Variants in FCRL3 observed in about 807,000 individuals in gnomAD.
FCRL3 encodes Fc receptor like 3.
A neutral mutation model predicts 75.0 loss-of-function variants in FCRL3; 89 were observed. The ratio of observed to expected loss-of-function variants is 1.19; its 90% CI spans 1.00 to 1.42. The LOEUF is 1.42. Ranked by LOEUF, FCRL3 falls within the 40% of genes most tolerant of loss-of-function variation. The pLI, the probability that FCRL3 is intolerant of heterozygous loss-of-function variation, is 0.00. For synonymous variants in FCRL3, 376 were observed against 348.5 expected, an observed-to-expected ratio of 1.08 and a Z score of -0.88; for missense variants, 946 against 880.0, an observed-to-expected ratio of 1.07 and a Z score of -0.95.
chr1:157,681,945 T>A (rs1654876625), intron 11 of FCRL3, among the ~76,000 whole-genome samples: 1 of 151,932 alleles, frequency 6.6e-6, no homozygotes, highest in Non-Finnish European at 1.5e-5. Context: ...CTAACTGGTG[T>A]GAGATGGTAT....
intron 2 of FCRL3, 94 bp from the exon 3 acceptor site, chr1:157,699,806 C>A: frequency 3.7e-6 from 5 of 1,366,994 alleles, no homozygotes; most frequent in Non-Finnish European, 4.1e-6. Flanking sequence ...CTTATCATTT[C>A]TTTGCTCCCT....
At position 157,678,440 on chromosome 1, in the gene FCRL3, G is replaced by C; in HGVS notation, c.*270C>G. The C allele has an allele frequency of 7.7e-7, 1 of 1,291,464 alleles. No homozygotes were observed. Among genetic ancestry groups the C allele is most frequent in the Non-Finnish European group, 9.9e-7 (1 of 1,014,392 alleles). 80.0% of individuals were successfully genotyped at this position (1,291,464 alleles called of 1,614,324 possible). A position where few individuals can be genotyped will look rare whatever the true frequency, so the allele number is the denominator to read the frequency against. On this transcript the variant is annotated 3_prime_UTR_variant, in exon 15 of 15. Coordinates refer to ENST00000368184, the MANE Select transcript of FCRL3 (RefSeq NM_052939.4). ...ACCATTTCTCTCTCCTCCTCTATTC[G>C]ACAGCCCTAGGAGCTGAGGGCCCTC...
intron 2 of FCRL3, 31 bp downstream of exon 2, chr1:157,700,428 G>T (rs749168636): frequency 6.2e-7 from 1 of 1,613,786 alleles, no homozygotes; most frequent in Non-Finnish European, 8.5e-7. Flanking sequence ...AGGAACTGAG[G>T]CCGTGGCCCC....
Position 157,696,273 on chromosome 1 carries a change from A to G in FCRL3, c.899T>C (p.Ile300Thr). 6.2e-7 allele frequency: 1 copy of G among 1,613,924 alleles called. No individual in the cohort carries two copies. The highest frequency in any genetic ancestry group is 8.5e-7 in the Non-Finnish European group (1 of 1,179,962). ...LEIRPTGGQL[I>T]EGENMVLICS... ...AATAAGGACCATATTTTCTCCTTCA[A>G]TCAGCTGCCCTCCGGTGGGCCGGAT... The change falls in exon 7 of 15, where the codon ATT becomes ACT. Residue 300 changes from isoleucine (I) to threonine (T), a missense_variant. Transcript: ENST00000368184.
At chr1:157,684,358 A>G (rs991836036) in intron 10 of FCRL3, among the ~76,000 whole-genome samples, 7 of 152,160 alleles carry the variant, frequency 4.6e-5, no homozygotes, top group African/African-American at 1.4e-4. Flanking sequence ...CTTGACTCTC[A>G]TGAAAAATAA....
Position 157,698,501 on chromosome 1 carries a change from C to A in FCRL3, c.181G>T (p.Asp61Tyr), listed in dbSNP as rs140537779. Residue 61 changes from aspartate (D) to tyrosine (Y), a missense_variant, in exon 4 of 15, where the codon GAT (aspartate) becomes TAT (tyrosine). Physicochemically the swap from Asp to Tyr is radical, Grantham distance 160. Transcript: ENST00000368184. ...TGTTTTATTTTCAACAACTTCTCAT[C>A]GTGATACCAATATGTGTCTCCCTGG... ...LAQGDTYWYH[D>Y]EKLLKIKHDK... is the part of the protein sequence containing the mutation. 67 of 1,614,070 alleles carry A rather than the reference C, an allele frequency of 4.2e-5. No homozygotes were observed. The highest frequency in any genetic ancestry group is 4.1e-5 in the Non-Finnish European group (48 of 1,180,036).
chr1:157,693,006 T>C (rs1655649105), intron 8 of FCRL3, among the ~76,000 whole-genome samples: 1 of 152,106 alleles, frequency 6.6e-6, no homozygotes, highest in South Asian at 2.1e-4. Context: ...CTGGGCGTGG[T>C]GGCTCATGCC....
rs143115777 is a variant in FCRL3 at position 157,690,365 on chromosome 1, C to T, written c.1580G>A (p.Gly527Glu). ...AGTCAGAGAGAGGTTGAAGGATGCC[C>T]CTCCTCCAGAGTGGGCCGAGATGTT... ...LGNISAHSGGGASFNLSLTTE... is the reference protein window; with the variant it reads ...LGNISAHSGGEASFNLSLTTE... The change falls in exon 9 of 15, where the codon GGG becomes GAG. Residue 527 changes from glycine (G) to glutamate (E), a missense_variant. Physicochemically the swap from Gly to Glu is moderately conservative, Grantham distance 98. Transcript: ENST00000368184. The T allele has an allele frequency of 4.1e-5, 66 of 1,614,038 alleles. No individual in the cohort carries two copies. Among genetic ancestry groups the T allele is most frequent in the Non-Finnish European group, 3.0e-5 (35 of 1,180,050 alleles).
intron 8 of FCRL3, among the ~76,000 whole-genome samples, chr1:157,691,374 T>C (rs940484758): frequency 1.3e-5 from 2 of 152,228 alleles, no homozygotes; most frequent in Non-Finnish European, 2.9e-5. Context: ...GCTTTAGATA[T>C]AAGCCGTGTG....
chr1:157,699,778 C>A, intron 2 of FCRL3, 66 bp from the exon 3 acceptor site: 1 of 1,560,072 alleles, frequency 6.4e-7, no homozygotes, highest in South Asian at 1.1e-5. Context: ...CTAACCACAA[C>A]CACTTCTTTT....
chr1:157,685,129 T>C (rs570133642), intron 10 of FCRL3, among the ~76,000 whole-genome samples: 2 of 152,128 alleles, frequency 1.3e-5, no homozygotes, highest in East Asian at 3.9e-4. Flanking sequence ...CCTGGTGCTG[T>C]GCTGACTGAC....
At chr1:157,694,083 G>A (rs888430545) in intron 8 of FCRL3, among the ~76,000 whole-genome samples, 24 of 152,104 alleles carry the variant, frequency 1.6e-4, no homozygotes, top group African/African-American at 5.8e-4. Flanking sequence ...TGTTTGTTTT[G>A]TAATGTGCCC....
At chr1:157,690,658 T>TC in intron 8 of FCRL3, 125 bp from the exon 9 acceptor site, 1 of 1,189,314 alleles carries the variant, frequency 8.4e-7, no homozygotes, top group Non-Finnish European at 1.2e-6. Context: ...GAACCTGGGC[T>TC]TCAATCCTGT....
chr1:157,698,408 C>T lies in FCRL3; in HGVS notation c.274G>A (p.Ala92Thr). The change falls in exon 4 of 15, where the codon GCC (alanine) becomes ACC (threonine). Residue 92 changes from alanine to threonine, a missense_variant. Coordinates refer to ENST00000368184, the MANE Select transcript of FCRL3 (RefSeq NM_052939.4). ...CCAGGTGAAAATTCCACATGCACGG[C>T]ATCACTGAGGGAGGATCCTCGGGTC... ...CKTRGSSLSD[A>T]VHVEFSPDWL... 2 of 1,614,220 alleles carry T rather than the reference C, an allele frequency of 1.2e-6. No homozygotes were observed. The highest frequency in any genetic ancestry group is 1.7e-6 in the Non-Finnish European group (2 of 1,180,028).
chr1:157,680,986 C>T lies in FCRL3; in HGVS notation c.1952G>A (p.Ser651Asn). The change falls in exon 12 of 15, where the codon AGC becomes AAC. Residue 651 changes from serine to asparagine, a missense_variant. Ser to Asn is a conservative substitution (Grantham distance 46). Coordinates refer to ENST00000368184, the MANE Select transcript of FCRL3 (RefSeq NM_052939.4). ...GCCCCCTAGGGAGTCCTCACCATTG[C>T]TGTACATTGGCTCCAGCTCCATTGG... Reference protein sequence around the residue: ...LAPMELEPMYSNVNPGDSNPI... With the variant: ...LAPMELEPMYNNVNPGDSNPI... 1 of 1,583,394 alleles carries T rather than the reference C, an allele frequency of 6.3e-7. No individual in the cohort carries two copies. Among genetic ancestry groups the T allele is most frequent in the Non-Finnish European group, 8.6e-7 (1 of 1,168,616 alleles).
At position 157,677,742 on chromosome 1, in the gene FCRL3, TACA is replaced by T. The variant is rs1159265385; in HGVS notation, c.*965_*967del. 9 of 547,824 alleles carry T rather than the reference TACA, an allele frequency of 1.6e-5. No individual in the cohort carries two copies. The highest frequency in any genetic ancestry group is 2.1e-5 in the Non-Finnish European group (9 of 430,672). The allele number at this position is 547,824 out of a possible 1,614,324, so 33.9% of individuals were successfully genotyped here. Reference sequence around the variant, plus strand: ...AGAGAAAGTACTAAAAAAAATTATCTACAACAATATGGTCTTTAACTTATAGTT... The same window carrying T: ...AGAGAAAGTACTAAAAAAAATTATCTACAATATGGTCTTTAACTTATAGTT... On this transcript the variant is annotated 3_prime_UTR_variant, in exon 15 of 15. Transcript: ENST00000368184.
At chr1:157,687,694 A>G (rs1281805318) in intron 10 of FCRL3, among the ~76,000 whole-genome samples, 2 of 151,546 alleles carry the variant, frequency 1.3e-5, no homozygotes, top group Non-Finnish European at 2.9e-5. Context: ...CAGAAAACCA[A>G]ATACCACATG....
chr1:157,688,179 T>G (rs899706705), intron 10 of FCRL3, among the ~76,000 whole-genome samples: 9 of 152,046 alleles, frequency 5.9e-5, no homozygotes, highest in African/African-American at 2.2e-4. Context: ...CGGCAAGAAT[T>G]AGCTGCATGC....
rs566843294 is a variant in FCRL3, at chr1:157,689,820, G to T, written c.1788C>A (p.Tyr596Ter). 5.0e-6 allele frequency: 8 copies of T among 1,614,126 alleles called. 1 individual carries two copies. In the South Asian group the frequency reaches 8.8e-5, roughly 18 times the overall value. The change falls in exon 10 of 15, where the codon TAC (tyrosine) becomes TAA (stop). Residue 596 changes from tyrosine to a stop codon, truncating the protein, a stop_gained. Coordinates refer to ENST00000368184, the MANE Select transcript of FCRL3 (RefSeq NM_052939.4). LOFTEE classifies it high-confidence loss of function. ...CACCTGGTTTCCTTCGGGCCCTGGC[G>T]TAATGCAGCAGAGCAGCAGCAGCAG... The part of the protein sequence containing the change: ...VLAAAAALLH[Y>*]ARARRKPGGL...
Sources: gnomAD v4.1 joint callset for allele counts (sites outside exome capture counted in the v4.1 genomes callset) on GRCh38, gnomAD v4.1.1 for gene constraint, MANE v1.5 for transcripts, NCBI Gene and HGNC (gene_info 2026-07-23, HGNC 2026-07-21) for gene names.